SWI5: variants seen among roughly 807,000 people sequenced by gnomAD.
SWI5 encodes SWI5 homologous recombination repair protein, also known as DNA repair protein SWI5 homolog.
In SWI5, 12 loss-of-function variants were observed where a neutral mutation model predicts 17.0. The observed-to-expected ratio is 0.71, with a 90% CI of 0.45 to 1.14. SWI5 has a LOEUF of 1.14. Among genes scored for constraint, SWI5 ranks in the 50% most tolerant of loss-of-function variants. SWI5 has a pLI of 0.00. For synonymous variants in SWI5, 61 were observed against 64.0 expected (o/e 0.95, Z 0.22); for missense variants, 158 against 162.2 (o/e 0.97, Z 0.14).
In SWI5 at chr9:128,276,757, T is replaced by C. The variant is rs1831399791; in HGVS notation, c.111+2T>C. The C allele has an allele frequency of 1.2e-6, 2 of 1,608,112 alleles. No homozygotes were observed. Among genetic ancestry groups the C allele is most frequent in the East Asian group, 2.2e-5 (1 of 44,692 alleles). On this transcript the variant is annotated splice_donor_variant, in intron 2 of 4. Transcript: ENST00000418976. LOFTEE classifies it high-confidence loss of function. ...TGCCGCGGGGCCTTCCGATCCCCTGTGAGTATTTCTTCCCCCACACCCCCT... is the reference window on the plus strand; with the variant it reads ...TGCCGCGGGGCCTTCCGATCCCCTGCGAGTATTTCTTCCCCCACACCCCCT...
intron 2 of SWI5, among the ~76,000 whole-genome samples, chr9:128,279,626 A>G (rs1213218201): frequency 6.6e-6 from 1 of 152,242 alleles, no homozygotes; most frequent in Non-Finnish European, 1.5e-5. Flanking sequence ...ATGAACTTCA[A>G]AGAGAAACCA....
At chr9:128,277,172 C>T (rs1469672780) in intron 2 of SWI5, among the ~76,000 whole-genome samples, 2 of 152,294 alleles carry the variant, frequency 1.3e-5, no homozygotes, top group African/African-American at 2.4e-5. Flanking sequence ...CTCTCCTCTT[C>T]GCTGGCAAGC....
exon 3 of SWI5, chr9:128,284,583 A>G: frequency 6.2e-7 from 1 of 1,614,020 alleles, no homozygotes; most frequent in Non-Finnish European, 8.5e-7. Flanking sequence ...CAGAAACTGA[A>G]GGAGAAGAGG....
rs757384762 is a variant in SWI5, at chr9:128,276,538, C to T, written c.62+136C>T. On this transcript the variant is annotated intron_variant, in intron 1 of 4. Coordinates refer to ENST00000418976, the Ensembl canonical transcript of SWI5. Reference sequence around the variant, plus strand: ...ACCCCCGTCTCAGAACGCCCCCTTCCTAGAGGGTCTCTACCCTGATCCTGA... The same window carrying T: ...ACCCCCGTCTCAGAACGCCCCCTTCTTAGAGGGTCTCTACCCTGATCCTGA... 1.2e-5 allele frequency: 19 copies of T among 1,571,886 alleles called. No homozygotes were observed. In the Admixed American group the frequency reaches 3.4e-4, roughly 28 times the overall value.
chr9:128,276,288 G>A, exon 1 of SWI5: 2 of 1,612,716 alleles, frequency 1.2e-6, no homozygotes, highest in Non-Finnish European at 1.7e-6. Context: ...TTCACACTCC[G>A]GGTCAGAGTT....
intron 2 of SWI5, 31 bp from the exon 3 acceptor site, chr9:128,284,479 A>T (rs1255570305): frequency 1.2e-6 from 2 of 1,607,432 alleles, no homozygotes; most frequent in Non-Finnish European, 1.7e-6. Context: ...ATAACTGGTC[A>T]GTCTGGCTGA....
chr9:128,277,491 T>C (rs1588501065), intron 2 of SWI5, among the ~76,000 whole-genome samples: 1 of 151,910 alleles, frequency 6.6e-6, no homozygotes, highest in Non-Finnish European at 1.5e-5. Flanking sequence ...AAGGTGGAGG[T>C]TGCAGTAAGC....
intron 2 of SWI5, among the ~76,000 whole-genome samples, chr9:128,281,158 C>G (rs1831532198): frequency 6.7e-6 from 1 of 149,890 alleles, no homozygotes; most frequent in Non-Finnish European, 1.5e-5. Flanking sequence ...CTGCCTTAGC[C>G]TCCCAAGTAG....
chr9:128,286,213 G>A, intron 4 of SWI5, 180 bp downstream of exon 4: 1 of 573,012 alleles, frequency 1.7e-6, no homozygotes, highest in South Asian at 2.1e-5. Context: ...TGGCCACCTA[G>A]GTTTGTTCCT....
At position 128,279,416 on chromosome 9, in the gene SWI5, G is replaced by A. The variant is rs183900305; in HGVS notation, c.111+2661G>A. Among the ~76,000 whole-genome samples, 44 of 152,268 alleles carry A rather than the reference G, an allele frequency of 2.9e-4. 1 individual carries two copies. The East Asian group carries it at 7.9e-3, about 27-fold the overall frequency. The stretch of plus-strand genomic sequence containing the variant: ...TGATATTTACTGCATACAAAACAAG[G>A]GGGGCAGGGTAAGGAAGGTGAGTCG... On this transcript the variant is annotated intron_variant, in intron 2 of 4. Coordinates refer to ENST00000418976, the Ensembl canonical transcript of SWI5.
intron 2 of SWI5, among the ~76,000 whole-genome samples, chr9:128,277,363 C>T (rs1215683311): frequency 1.3e-5 from 2 of 152,044 alleles, no homozygotes; most frequent in African/African-American, 2.4e-5. Flanking sequence ...ACCAGCCTGC[C>T]CAACATGATG....
chr9:128,284,590 G>T (rs1410716183), exon 3 of SWI5: 1 of 1,613,920 alleles, frequency 6.2e-7, no homozygotes, highest in African/African-American at 1.3e-5. Context: ...TGAAGGAGAA[G>T]AGGGACATGC....
exon 5 of SWI5, chr9:128,288,866 G>C: frequency 1.2e-6 from 1 of 805,706 alleles, no homozygotes; most frequent in Non-Finnish European, 2.0e-6. Flanking sequence ...ATCAGGAGGA[G>C]GCTAGAGAAG....
rs769488316 is a variant in SWI5, at chr9:128,276,715, C to A, written c.71C>A (p.Pro24Gln). Residue 24 changes from proline to glutamine, a missense_variant, in exon 2 of 5, where the codon CCA (proline) becomes CAA (glutamine). By Grantham distance (76) the Pro-to-Gln change is moderately conservative. Transcript: ENST00000418976. ...CTCGGATTCCTCTCTAGGACTGAAC[C>A]AAGACTTACCCGAAGTTGCCGCGGG... 7 of 1,613,758 alleles carry A rather than the reference C, an allele frequency of 4.3e-6. No homozygotes were observed. Among genetic ancestry groups the A allele is most frequent in the Non-Finnish European group, 5.9e-6 (7 of 1,179,826 alleles).
At chr9:128,276,553 C>G (rs746089511) in intron 1 of SWI5, 151 bp downstream of exon 1, 2 of 1,586,434 alleles carry the variant, frequency 1.3e-6, no homozygotes, top group South Asian at 1.2e-5. Context: ...GGGTCTCTAC[C>G]CTGATCCTGA....
intron 2 of SWI5, among the ~76,000 whole-genome samples, chr9:128,282,995 T>C (rs976640221): frequency 6.6e-6 from 1 of 151,814 alleles, no homozygotes; most frequent in Non-Finnish European, 1.5e-5. Flanking sequence ...CTGGCCAACA[T>C]GGCAAAAACC....
intron 2 of SWI5, among the ~76,000 whole-genome samples, chr9:128,280,866 C>T (rs887688243): frequency 1.3e-5 from 2 of 152,032 alleles, no homozygotes; most frequent in African/African-American, 2.4e-5. Context: ...CATTCACACA[C>T]GTGGAAACCA....
upstream of SWI5, chr9:128,275,503 G>A (rs925039843): frequency 3.1e-6 from 4 of 1,309,650 alleles, no homozygotes; most frequent in African/African-American, 4.6e-5. Context: ...GGAGGTGAGG[G>A]TCGAGTCTGG....
intron 4 of SWI5, among the ~76,000 whole-genome samples, chr9:128,288,118 G>T (rs1384074015): frequency 6.6e-6 from 1 of 152,116 alleles, no homozygotes; most frequent in South Asian, 2.1e-4. Context: ...GGGCGGTGGG[G>T]GTAAGATAGG....
Sources: gnomAD v4.1 joint callset for allele counts (sites outside exome capture counted in the v4.1 genomes callset) on GRCh38, gnomAD v4.1.1 for gene constraint, MANE v1.5 for transcripts, NCBI Gene and HGNC (gene_info 2026-07-23, HGNC 2026-07-21) for gene names.